Variants in UNC13C observed in about 807,000 individuals in gnomAD.
UNC13C encodes the protein unc-13 homolog C, also known as protein unc-13 homolog C.
UNC13C carries 174 observed loss-of-function variants against 245.4 expected under a neutral mutation model. The observed-to-expected ratio is 0.71, with a 90% CI of 0.63 to 0.80. UNC13C has a LOEUF of 0.80. Ranked by LOEUF, UNC13C falls within the 30% of genes least tolerant of loss-of-function variation. The pLI is 0.00. For missense variants in UNC13C, 2,829 were observed against 2,602.9 expected, an observed-to-expected ratio of 1.09 and a Z score of -1.89; for synonymous variants, 992 against 895.1, an observed-to-expected ratio of 1.11 and a Z score of -1.93.
rs768022546 is a variant in UNC13C, at chr15:54,015,539, T to C, written c.2636T>C (p.Val879Ala). The C allele has an allele frequency of 7.4e-6, 12 of 1,613,566 alleles. No individual in the cohort carries two copies. The highest frequency in any genetic ancestry group is 1.0e-5 in the Non-Finnish European group (12 of 1,179,664). Residue 879 changes from valine to alanine, a missense_variant, in exon 2 of 33, where the codon GTT (valine) becomes GCT (alanine). By Grantham distance (64) the Val-to-Ala change is moderately conservative. Transcript: ENST00000260323. Reference sequence around the variant, plus strand: ...GTGGCTGACAATGAAACAGATTATGTTGAAGTCATGGAACAAGTCCTTGCT... The same window carrying C: ...GTGGCTGACAATGAAACAGATTATGCTGAAGTCATGGAACAAGTCCTTGCT... Reference protein sequence around the residue: ...EPVADNETDYVEVMEQVLAKL... With the variant: ...EPVADNETDYAEVMEQVLAKL...
chr15:54,373,691 G>A (rs933962468), intron 17 of UNC13C, among the ~76,000 whole-genome samples: 14 of 152,154 alleles, frequency 9.2e-5, no homozygotes, highest in Admixed American at 2.0e-4. Flanking sequence ...TGGGTTCCCC[G>A]AAGGGCTGCA....
chr15:54,110,049 A>G (rs1204403336), intron 2 of UNC13C, among the ~76,000 whole-genome samples: 4 of 152,122 alleles, frequency 2.6e-5, no homozygotes, highest in Non-Finnish European at 4.4e-5. Context: ...AGGCTGAAGC[A>G]GACAGATCAC....
intron 10 of UNC13C, among the ~76,000 whole-genome samples, chr15:54,276,572 T>A (rs1308638785): frequency 6.6e-6 from 1 of 152,132 alleles, no homozygotes; most frequent in East Asian, 1.9e-4. Flanking sequence ...CATTTATGGC[T>A]GAGAAAAATG....
At chr15:54,457,091 A>T (rs183334476) in intron 19 of UNC13C, among the ~76,000 whole-genome samples, 43 of 152,206 alleles carry the variant, frequency 2.8e-4, no homozygotes, top group Admixed American at 2.6e-3. Context: ...TCAGGAAGGG[A>T]TGCTGGATTT....
Position 54,013,099 on chromosome 15 carries a change from A to G in UNC13C, c.196A>G (p.Ile66Val). The G allele has an allele frequency of 6.2e-7, 1 of 1,613,908 alleles. No individual in the cohort carries two copies. Among genetic ancestry groups the G allele is most frequent in the Non-Finnish European group, 8.5e-7 (1 of 1,179,864 alleles). ...CACTTTTAAAAGCACTGTAAAGAAG[A>G]TTGCAAAGTGTTCATCCACTCACAA... Reference protein sequence around the residue: ...SYTFKSTVKKIAKCSSTHNLS... With the variant: ...SYTFKSTVKKVAKCSSTHNLS... Residue 66 changes from isoleucine to valine, a missense_variant, in exon 2 of 33, where the codon ATT becomes GTT. By Grantham distance (29) the Ile-to-Val change is conservative. Transcript: ENST00000260323.
At chr15:53,838,541 G>A in the UNC13C span, among the ~76,000 whole-genome samples, 22 of 151,916 alleles carry the variant, frequency 1.4e-4, no homozygotes, top group Admixed American at 1.3e-4. Context: ...CAGCTAAATC[G>A]TTTTCTTCTT....
intron 19 of UNC13C, among the ~76,000 whole-genome samples, chr15:54,453,258 C>T (rs1250221500): frequency 6.6e-6 from 1 of 152,182 alleles, no homozygotes; most frequent in African/African-American, 2.4e-5. Context: ...CCTTTTCCTG[C>T]ACTGTTGAGT....
rs148658108 is a variant in UNC13C at position 54,323,452 on chromosome 15, A to T, written c.4425+1357A>T. On this transcript the variant is annotated intron_variant, in intron 14 of 32. Transcript: ENST00000260323. ...GTCGTCTAAGCCTCAGTTCCTCAAC[A>T]TGCTCAATGAAGAAGATAATTCTTA... 2.5e-3 allele frequency among the ~76,000 whole-genome samples: 377 copies of T among 152,170 alleles called. 1 individual carries two copies. Among genetic ancestry groups the T allele is most frequent in the African/African-American group, 8.6e-3 (356 of 41,560 alleles).
At chr15:54,145,422 C>T (rs1277878153) in intron 4 of UNC13C, among the ~76,000 whole-genome samples, 2 of 151,990 alleles carry the variant, frequency 1.3e-5, no homozygotes, top group East Asian at 3.9e-4. Context: ...GATGTTATTT[C>T]TGTTACATCT....
chr15:54,391,561 G>C (rs1013869247), intron 17 of UNC13C, among the ~76,000 whole-genome samples: 4 of 152,062 alleles, frequency 2.6e-5, no homozygotes, highest in Non-Finnish European at 5.9e-5. Context: ...GAACTTTCAA[G>C]TTGTTCTCGG....
intron 8 of UNC13C, among the ~76,000 whole-genome samples, chr15:54,252,892 A>G (rs2036188668): frequency 6.6e-6 from 1 of 152,316 alleles, no homozygotes; most frequent in Admixed American, 6.5e-5. Flanking sequence ...TTAGAATGCT[A>G]GTTCATAAAT....
At chr15:54,617,807 C>A (rs1449005745) in intron 30 of UNC13C, among the ~76,000 whole-genome samples, 2 of 152,132 alleles carry the variant, frequency 1.3e-5, no homozygotes, top group East Asian at 3.9e-4. Context: ...TCATTCCAAT[C>A]CAGAGTCCTG....
At chr15:54,145,904 A>G (rs1000610652) in intron 4 of UNC13C, among the ~76,000 whole-genome samples, 4 of 152,232 alleles carry the variant, frequency 2.6e-5, no homozygotes, top group Non-Finnish European at 5.9e-5. Flanking sequence ...TCTGGCTAAA[A>G]TAGTTCCTCT....
the UNC13C span, among the ~76,000 whole-genome samples, chr15:53,917,352 G>C: frequency 6.6e-6 from 1 of 152,102 alleles, no homozygotes; most frequent in African/African-American, 2.4e-5. Context: ...CAGCTTTTAA[G>C]ACTGGAAACC....
At chr15:54,497,676 G>A (rs556961127) in intron 20 of UNC13C, among the ~76,000 whole-genome samples, 2 of 152,074 alleles carry the variant, frequency 1.3e-5, no homozygotes, top group Non-Finnish European at 2.9e-5. Flanking sequence ...GGTCCCCTTT[G>A]TGCCTACTTA....
chr15:54,410,757 C>T (rs2203109), intron 18 of UNC13C, among the ~76,000 whole-genome samples: 78,068 of 151,796 alleles, frequency 0.51, 20,264 homozygotes, highest in East Asian at 0.65. Flanking sequence ...ATGGTTACTG[C>T]AGCCTTGTAG....
upstream of UNC13C, among the ~76,000 whole-genome samples, chr15:53,975,968 G>A (rs546364342): frequency 5.3e-5 from 8 of 152,262 alleles, no homozygotes; most frequent in East Asian, 9.7e-4. Context: ...GAAAAGCTCC[G>A]TAGAAACAGA....
In UNC13C at chr15:54,040,253, T is replaced by C. The variant is rs141705562; in HGVS notation, c.2983+24367T>C. On this transcript the variant is annotated intron_variant, in intron 2 of 32. Coordinates refer to ENST00000260323, the MANE Select transcript of UNC13C (RefSeq NM_001080534.3). The stretch of plus-strand genomic sequence containing the variant: ...TTCAAAGGTGATGCCAAATTAAAAC[T>C]GGGAGAGAGACTAGGAGTCAGGTAT... Among the ~76,000 whole-genome samples, 608 of 152,170 alleles carry C rather than the reference T, an allele frequency of 4.0e-3. 2 individuals are homozygous for C. The highest frequency in any genetic ancestry group is 6.6e-3 in the Non-Finnish European group (450 of 68,008).
chr15:54,143,213 T>C (rs1016847396), intron 3 of UNC13C, among the ~76,000 whole-genome samples, 173 bp downstream of exon 3: 1 of 152,186 alleles, frequency 6.6e-6, no homozygotes, highest in Non-Finnish European at 1.5e-5. Flanking sequence ...GTTGCACTTA[T>C]GGAGAGGTCA....
Sources: gnomAD v4.1 joint callset for allele counts (sites outside exome capture counted in the v4.1 genomes callset) on GRCh38, gnomAD v4.1.1 for gene constraint, MANE v1.5 for transcripts, NCBI Gene and HGNC (gene_info 2026-07-23, HGNC 2026-07-21) for gene names.